The following POU6F2 variants were observed in gnomAD, a reference collection of about 807,000 sequenced individuals.
POU6F2 encodes the protein POU domain, class 6, transcription factor 2.
Under a neutral mutation model 71.3 loss-of-function variants are expected in POU6F2, and 31 were observed. That is an observed-to-expected ratio of 0.43 (90% CI 0.33 to 0.59). The LOEUF (loss-of-function observed/expected upper bound fraction) is 0.59, where lower values mean the gene tolerates loss of function less well. POU6F2 is among the 20% of genes least tolerant of loss of function. The pLI is 0.04. For synonymous variants in POU6F2, 347 were observed against 355.7 expected, an observed-to-expected ratio of 0.98 and a Z score of 0.27; for missense variants, 783 against 856.8, an observed-to-expected ratio of 0.91 and a Z score of 1.07.
At chr7:39,277,484 TATAAGTA>T (rs1291128237) in intron 4 of POU6F2, among the ~76,000 whole-genome samples, 1 of 152,094 alleles carries the variant, frequency 6.6e-6, no homozygotes, top group East Asian at 1.9e-4. Flanking sequence ...AACTCCCACT[TATAAGTA>T]AGAACATGCA....
At chr7:39,408,033 A>G (rs2115903126) in intron 6 of POU6F2, among the ~76,000 whole-genome samples, 1 of 152,342 alleles carries the variant, frequency 6.6e-6, no homozygotes, top group African/African-American at 2.4e-5. Context: ...GGATCATTTT[A>G]TGCAGCCGGC....
At chr7:39,006,926 T>C in intron 1 of POU6F2, 1 of 1,516,594 alleles carries the variant, frequency 6.6e-7, no homozygotes, top group Non-Finnish European at 9.2e-7. Context: ...ATTTATAATC[T>C]GTGAGTTTAT....
chr7:39,095,347 C>G (rs1182659131), intron 2 of POU6F2, among the ~76,000 whole-genome samples: 1 of 152,114 alleles, frequency 6.6e-6, no homozygotes, highest in Admixed American at 6.6e-5. Context: ...TAGTAATTTT[C>G]TAACAAGCCA....
chr7:39,193,922 T>C (rs1451978809), intron 2 of POU6F2, among the ~76,000 whole-genome samples: 1 of 152,130 alleles, frequency 6.6e-6, no homozygotes, highest in African/African-American at 2.4e-5. Flanking sequence ...AAACACCTAA[T>C]AGGGTTATTG....
intron 1 of POU6F2, among the ~76,000 whole-genome samples, chr7:39,011,847 T>C (rs1789295585): frequency 6.7e-6 from 1 of 150,042 alleles, no homozygotes; most frequent in Non-Finnish European, 1.5e-5. Flanking sequence ...TGTTGAATAT[T>C]GGCCCCCACT....
At chr7:39,290,913 T>C (rs1161947418) in intron 4 of POU6F2, among the ~76,000 whole-genome samples, 3 of 151,946 alleles carry the variant, frequency 2.0e-5, no homozygotes, top group Non-Finnish European at 4.4e-5. Flanking sequence ...GATTAGATGA[T>C]TGATTCAAAT....
chr7:39,162,567 T>A (rs1252039686), intron 2 of POU6F2, among the ~76,000 whole-genome samples: 1 of 152,196 alleles, frequency 6.6e-6, no homozygotes, highest in Admixed American at 6.5e-5. Context: ...CAGATAAATC[T>A]CCATGATGCA....
intron 5 of POU6F2, among the ~76,000 whole-genome samples, chr7:39,360,748 T>C (rs559259555): frequency 1.3e-5 from 2 of 152,374 alleles, no homozygotes; most frequent in Admixed American, 1.3e-4. Flanking sequence ...TTCTTGATGA[T>C]ATGCTAAACA....
intron 4 of POU6F2, among the ~76,000 whole-genome samples, chr7:39,303,864 TA>T (rs1785001810): frequency 6.6e-6 from 1 of 152,230 alleles, no homozygotes; most frequent in Non-Finnish European, 1.5e-5. Flanking sequence ...ATACATGAAA[TA>T]CCACCTACTT....
At chr7:39,424,539 A>G (rs1228409224) in intron 6 of POU6F2, among the ~76,000 whole-genome samples, 4 of 152,162 alleles carry the variant, frequency 2.6e-5, no homozygotes, top group Non-Finnish European at 4.4e-5. Flanking sequence ...CATTTCCTAG[A>G]CACCGATTGC....
At chr7:39,094,150 G>A (rs892148921) in intron 2 of POU6F2, among the ~76,000 whole-genome samples, 1 of 152,100 alleles carries the variant, frequency 6.6e-6, no homozygotes, top group Non-Finnish European at 1.5e-5. Flanking sequence ...CTATACTTGG[G>A]CTAGAATCCA....
intron 1 of POU6F2, among the ~76,000 whole-genome samples, chr7:39,036,789 GC>G (rs1025814983): frequency 2.2e-4 from 34 of 151,772 alleles, no homozygotes; most frequent in African/African-American, 6.0e-4. Context: ...TGAAATTTGA[GC>G]CTCTTATATT....
At chr7:39,085,027 TA>T (rs1453124883) in intron 1 of POU6F2, 1 of 152,112 alleles carries the variant, frequency 6.6e-6, no homozygotes, top group Non-Finnish European at 1.5e-5. Flanking sequence ...TCTAAATAAT[TA>T]GGGGGGAAAG....
chr7:39,264,349 C>G (rs1174153514), intron 4 of POU6F2, among the ~76,000 whole-genome samples: 2 of 152,194 alleles, frequency 1.3e-5, no homozygotes, highest in East Asian at 1.9e-4. Context: ...ACTTGGACGC[C>G]CAGCCATCCA....
intron 4 of POU6F2, 37 bp downstream of exon 4, chr7:39,207,657 C>T (rs1178092417): frequency 1.3e-6 from 2 of 1,575,678 alleles, no homozygotes; most frequent in Admixed American, 3.6e-5. Context: ...TAAGGCTCTA[C>T]CCGTTGGCCA....
At chr7:39,093,856 A>G (rs186505486) in intron 2 of POU6F2, among the ~76,000 whole-genome samples, 2 of 152,092 alleles carry the variant, frequency 1.3e-5, no homozygotes, top group Admixed American at 6.6e-5. Context: ...TGCTATCTGT[A>G]TAAAATATTT....
At chr7:39,002,595 C>A (rs1272957891) in intron 1 of POU6F2, among the ~76,000 whole-genome samples, 1 of 152,220 alleles carries the variant, frequency 6.6e-6, no homozygotes, top group Non-Finnish European at 1.5e-5. Context: ...GATCCACCCA[C>A]CTCAGCCTCC....
intron 1 of POU6F2, among the ~76,000 whole-genome samples, chr7:39,012,352 C>T (rs1036487687): frequency 3.3e-5 from 5 of 150,356 alleles, no homozygotes; most frequent in Middle Eastern, 3.4e-3. Flanking sequence ...ACGTAGTTCT[C>T]GAGCCTTGGT....
chr7:39,201,624 T>C (rs1793904651), intron 2 of POU6F2, among the ~76,000 whole-genome samples: 1 of 152,200 alleles, frequency 6.6e-6, no homozygotes, highest in African/African-American at 2.4e-5. Context: ...CAGAGAGCTT[T>C]CCTGGAATTC....
Sources: allele counts gnomAD v4.1 joint callset (sites outside exome capture counted in the v4.1 genomes callset), GRCh38; gene constraint gnomAD v4.1.1; transcripts MANE v1.5; gene names NCBI Gene and HGNC (gene_info 2026-07-23, HGNC 2026-07-21).